Variants in LATS2 observed in about 807,000 individuals in gnomAD.
LATS2 encodes serine/threonine-protein kinase LATS2.
A neutral mutation model predicts 76.0 loss-of-function variants in LATS2; 24 were observed. The observed-to-expected ratio is 0.32, with a 90% CI of 0.23 to 0.44. LATS2 has a LOEUF of 0.44. LATS2 is among the 20% of genes least tolerant of loss of function. The probability of loss-of-function intolerance (pLI) is 1.00; values close to 1 mark genes in which losing one functional copy is unlikely to be tolerated. For synonymous variants in LATS2, 692 were observed against 635.4 expected, an observed-to-expected ratio of 1.09 and a Z score of -1.34; for missense variants, 1,286 against 1,481.2, an observed-to-expected ratio of 0.87 and a Z score of 2.16.
intron 2 of LATS2, among the ~76,000 whole-genome samples, chr13:20,997,859 T>A (rs897026319): frequency 2.6e-5 from 4 of 152,116 alleles, no homozygotes; most frequent in African/African-American, 7.2e-5. Context: ...GCAGTGACAA[T>A]TATTATGTAT....
At chr13:21,042,058 TAACCAAAA>T (rs1369679445) in intron 2 of LATS2, among the ~76,000 whole-genome samples, 1 of 152,142 alleles carries the variant, frequency 6.6e-6, no homozygotes, top group Non-Finnish European at 1.5e-5. Context: ...ATGATACTCA[TAACCAAAA>T]AACTTACCTT....
At chr13:20,984,125 C>A (rs501811) in intron 4 of LATS2, among the ~76,000 whole-genome samples, 1 of 152,032 alleles carries the variant, frequency 6.6e-6, no homozygotes, top group Non-Finnish European at 1.5e-5. Context: ...GTAGAAACAG[C>A]GTTTCATCAT....
At chr13:20,998,719 G>A (rs902040931) in intron 2 of LATS2, among the ~76,000 whole-genome samples, 6 of 151,178 alleles carry the variant, frequency 4.0e-5, no homozygotes, top group Non-Finnish European at 2.9e-5. Flanking sequence ...TGGGCAGGTG[G>A]GGCCCCAAGG....
chr13:21,040,826 T>C (rs1872853207), intron 2 of LATS2, among the ~76,000 whole-genome samples: 1 of 151,870 alleles, frequency 6.6e-6, no homozygotes, highest in African/African-American at 2.4e-5. Context: ...CCCACAGACA[T>C]GAGGGAAAGG....
intron 2 of LATS2, among the ~76,000 whole-genome samples, chr13:21,031,509 T>C (rs1872529758): frequency 6.6e-6 from 1 of 152,192 alleles, no homozygotes; most frequent in African/African-American, 2.4e-5. Context: ...CCTATTTTGC[T>C]TTTCAGTTTA....
intron 3 of LATS2, among the ~76,000 whole-genome samples, chr13:20,989,694 G>A (rs568867844): frequency 1.1e-3 from 165 of 152,294 alleles, no homozygotes; most frequent in Middle Eastern, 3.4e-3. Context: ...ATTGTGGGGG[G>A]CTGAGTTTAC....
intron 2 of LATS2, among the ~76,000 whole-genome samples, chr13:20,994,408 G>A (rs1320980223): frequency 6.6e-6 from 1 of 152,180 alleles, no homozygotes; most frequent in Non-Finnish European, 1.5e-5. Context: ...AAGGAAATGG[G>A]AATCCACTTC....
intron 4 of LATS2, among the ~76,000 whole-genome samples, chr13:20,984,598 AT>A (rs1303925451): frequency 6.6e-6 from 1 of 152,230 alleles, no homozygotes; most frequent in African/African-American, 2.4e-5. Context: ...TATAAAAAAA[AT>A]CTAGGAGTAA....
At chr13:21,057,505 T>A (rs1465354537) in intron 1 of LATS2, among the ~76,000 whole-genome samples, 1 of 152,194 alleles carries the variant, frequency 6.6e-6, no homozygotes, top group Non-Finnish European at 1.5e-5. Context: ...GTTTTCATAC[T>A]TTCAAAATAA....
intron 1 of LATS2, among the ~76,000 whole-genome samples, chr13:21,048,212 G>A (rs193192464): frequency 6.6e-6 from 1 of 152,126 alleles, no homozygotes; most frequent in Non-Finnish European, 1.5e-5. Context: ...TTCACATTCC[G>A]ACAAAAACGG....
chr13:20,985,205 G>C (rs1408267949), intron 4 of LATS2, among the ~76,000 whole-genome samples: 1 of 152,148 alleles, frequency 6.6e-6, no homozygotes, highest in East Asian at 1.9e-4. Flanking sequence ...ATTGGTTTGA[G>C]CAAAGATTTT....
chr13:20,996,139 C>G (rs961657022), intron 2 of LATS2, among the ~76,000 whole-genome samples: 1 of 152,168 alleles, frequency 6.6e-6, no homozygotes, highest in African/African-American at 2.4e-5. Context: ...ATCATATGAG[C>G]ACCAGATTTG....
At position 20,973,414 on chromosome 13, in the gene LATS2, A is replaced by G. The variant is rs987943057; in HGVS notation, c.*1456T>C. The G allele has an allele frequency of 8.6e-6, 2 of 232,084 alleles. No individual in the cohort carries two copies. The highest frequency in any genetic ancestry group is 4.4e-5 in the African/African-American group (2 of 45,278). 14.4% of individuals were successfully genotyped at this position (232,084 alleles called of 1,614,324 possible). ...TATAATGAAAATTATGAAGCATCAG[A>G]TTTTTTAAAAAGCAAAAAAGAATTG... On this transcript the variant is annotated 3_prime_UTR_variant, in exon 8 of 8. Transcript: ENST00000382592.
At chr13:21,024,390 C>T (rs941411118) in intron 2 of LATS2, among the ~76,000 whole-genome samples, 2 of 152,126 alleles carry the variant, frequency 1.3e-5, no homozygotes, top group Admixed American at 6.5e-5. Flanking sequence ...GAGCCGAGAT[C>T]GCGCCACTGT....
In LATS2 at chr13:20,988,922, G is replaced by A. The variant is rs1439036431; in HGVS notation, c.858C>T (p.Tyr286=). Residue 286 remains tyrosine (Y), a synonymous_variant, in exon 4 of 8, where the codon TAC becomes TAT. Transcript: ENST00000382592. ...CCTGGCCCTTCGTGGGCAGGCTGGC[G>A]TAACCCCCGGTCTCCGGCGGCGTCT... ...QSKTPPETGG[Y]ASLPTKGQGG... is the part of the protein sequence containing the mutation. The A allele has an allele frequency of 2.6e-5, 40 of 1,522,044 alleles. No individual in the cohort carries two copies. The highest frequency in any genetic ancestry group is 3.2e-5 in the Non-Finnish European group (37 of 1,138,800). The allele number at this position is 1,522,044 out of a possible 1,614,324, so 94.3% of individuals were successfully genotyped here.
intron 1 of LATS2, among the ~76,000 whole-genome samples, chr13:21,060,972 C>T (rs955980986): frequency 6.6e-5 from 10 of 151,408 alleles, no homozygotes; most frequent in Middle Eastern, 3.4e-3. Context: ...TCTAGGACAC[C>T]GCCCCCGGCC....
At chr13:21,010,536 C>CA (rs1274291974) in intron 2 of LATS2, among the ~76,000 whole-genome samples, 2 of 152,156 alleles carry the variant, frequency 1.3e-5, no homozygotes, top group African/African-American at 2.4e-5. Context: ...AACAAACAAA[C>CA]AAAAAATCAA....
intron 2 of LATS2, among the ~76,000 whole-genome samples, chr13:21,004,325 TC>T (rs1342329754): frequency 6.6e-6 from 1 of 151,386 alleles, no homozygotes; most frequent in Non-Finnish European, 1.5e-5. Flanking sequence ...TCCCAGCTAC[TC>T]GGGAGGCTGA....
Position 20,974,332 on chromosome 13 carries a change from T to C in LATS2, c.*538A>G, listed in dbSNP as rs1324946813. On this transcript the variant is annotated 3_prime_UTR_variant, in exon 8 of 8. Coordinates refer to ENST00000382592, the MANE Select transcript of LATS2 (RefSeq NM_014572.3). The stretch of plus-strand genomic sequence containing the variant: ...AAAAGCAGCTTTTAACATTATATCA[T>C]TATATCACAATTTTGAAACATGGGA... The C allele has an allele frequency of 4.4e-6, 1 of 226,720 alleles. No homozygotes were observed. The highest frequency in any genetic ancestry group is 2.2e-5 in the African/African-American group (1 of 44,860). The allele number at this position is 226,720 out of a possible 1,614,324, so 14.0% of individuals were successfully genotyped here. A position where few individuals can be genotyped will look rare whatever the true frequency, so the allele number is the denominator to read the frequency against.
Sources: gnomAD v4.1 joint callset for allele counts (sites outside exome capture counted in the v4.1 genomes callset) on GRCh38, gnomAD v4.1.1 for gene constraint, MANE v1.5 for transcripts, NCBI Gene and HGNC (gene_info 2026-07-23, HGNC 2026-07-21) for gene names.